The following URB1 variants were observed in gnomAD, a reference collection of about 807,000 sequenced individuals.
URB1 encodes URB1 ribosome biogenesis factor, also known as nucleolar pre-ribosomal-associated protein 1.
In URB1, 197 loss-of-function variants were observed where a neutral mutation model predicts 242.3. That is an observed-to-expected ratio of 0.81 (90% confidence interval 0.72 to 0.91). The LOEUF (loss-of-function observed/expected upper bound fraction) is 0.91. Ranked by LOEUF, URB1 falls within the 40% of genes least tolerant of loss-of-function variation. URB1 has a pLI of 0.00. For missense variants in URB1, 2,721 were observed against 2,860.5 expected, an observed-to-expected ratio of 0.95 and a Z score of 1.11; for synonymous variants, 1,153 against 1,201.8, an observed-to-expected ratio of 0.96 and a Z score of 0.84.
chr21:32,337,601 GA>G (rs1375687418), intron 26 of URB1, 87 bp from the exon 27 acceptor site: 4 of 1,042,592 alleles, frequency 3.8e-6, no homozygotes, highest in Non-Finnish European at 5.7e-6. Flanking sequence ...AGGCAACATT[GA>G]AATGCTGGAA....
chr21:32,375,625 G>A (rs1022053584), intron 5 of URB1, 142 bp from the exon 6 acceptor site: 13 of 529,136 alleles, frequency 2.5e-5, no homozygotes, highest in African/African-American at 1.8e-4. Flanking sequence ...ACAAGTTTCC[G>A]GTAGAAATAA....
intron 5 of URB1, 112 bp from the exon 6 acceptor site, chr21:32,375,595 A>AT: frequency 3.3e-6 from 2 of 607,242 alleles, no homozygotes; most frequent in Non-Finnish European, 5.3e-6. Flanking sequence ...TACTTTTTCA[A>AT]GTTTTTTTTT....
chr21:32,369,718 C>G (rs150270621), intron 8 of URB1, among the ~76,000 whole-genome samples: 101 of 152,198 alleles, frequency 6.6e-4, no homozygotes, highest in African/African-American at 2.3e-3. Flanking sequence ...CAAGACAGCA[C>G]GAGGTCTTTG....
intron 26 of URB1, among the ~76,000 whole-genome samples, chr21:32,338,469 A>G (rs1454092985): frequency 6.6e-6 from 1 of 152,216 alleles, no homozygotes; most frequent in East Asian, 1.9e-4. Flanking sequence ...GATCTCAAAC[A>G]CAACTTCTGT....
intron 15 of URB1, among the ~76,000 whole-genome samples, chr21:32,356,353 G>A (rs2033220373): frequency 6.6e-6 from 1 of 152,198 alleles, no homozygotes; most frequent in Admixed American, 6.5e-5. Flanking sequence ...GATTGTAGCA[G>A]TGCACAGCAG....
At chr21:32,355,795 G>A (rs2033213692) in intron 15 of URB1, among the ~76,000 whole-genome samples, 1 of 152,184 alleles carries the variant, frequency 6.6e-6, no homozygotes, top group South Asian at 2.1e-4. Context: ...TTTTTTAGCA[G>A]AGACAAAGTT....
chr21:32,355,136 G>A (rs556495913), intron 16 of URB1, 139 bp from the exon 17 acceptor site: 1,548 of 1,181,832 alleles, frequency 1.3e-3, no homozygotes, highest in Non-Finnish European at 1.7e-3. Context: ...TATGAAATTG[G>A]GCCTAAACTT....
Position 32,313,426 on chromosome 21 carries a change from T to C in URB1, c.*1492A>G, listed in dbSNP as rs1019922300. On this transcript the variant is annotated 3_prime_UTR_variant, in exon 39 of 39. Transcript: ENST00000382751. ...AGCGCTTGCCTGAGTCCAGCTTGGA[T>C]CTAAACGTGGGATTTCAAGTTCAGG... 3 of 152,152 alleles carry C rather than the reference T, an allele frequency of 2.0e-5. No homozygotes were observed. The highest frequency in any genetic ancestry group is 4.4e-5 in the Non-Finnish European group (3 of 68,040). The allele number at this position is 152,152 out of a possible 1,614,324, so 9.4% of individuals were successfully genotyped here.
intron 26 of URB1, among the ~76,000 whole-genome samples, chr21:32,337,941 C>T (rs1157306896): frequency 6.6e-6 from 1 of 152,186 alleles, no homozygotes; most frequent in Non-Finnish European, 1.5e-5. Flanking sequence ...TACAGATTTT[C>T]AATCCAGGCA....
At chr21:32,335,633 C>T (rs1343653385) in intron 28 of URB1, 1 of 152,470 alleles carries the variant, frequency 6.6e-6, no homozygotes, top group African/African-American at 2.4e-5. Context: ...AGGAAAGAAT[C>T]ATCCTTTCAG....
In URB1 at chr21:32,378,431, G is replaced by A. The variant is rs1472188395; in HGVS notation, c.664+14C>T. The A allele has an allele frequency of 1.9e-6, 3 of 1,548,034 alleles. No individual in the cohort carries two copies. In the East Asian group the frequency reaches 7.3e-5, roughly 38 times the overall value. ...ACAAATGGGCTTTCCTAACGGACAA[G>A]GGAGTACACCTACCTTTCACTTCCA... On this transcript the variant is annotated intron_variant, in intron 5 of 38. Transcript: ENST00000382751.
chr21:32,315,053 C>CA lies in URB1; in HGVS notation c.6680dup (p.Ala2229GlyfsTer16), dbSNP rs1278457263. On this transcript the variant is annotated frameshift_variant, in exon 39 of 39. Transcript: ENST00000382751. LOFTEE classifies it low-confidence loss of function (END_TRUNC). ...AGAGGGTGTCCGGCCGCTGAGCCCC[C>CA]AGCCAGATGTCCTTTATGTAGAGAG... The CA allele has an allele frequency of 6.5e-7, 1 of 1,549,534 alleles. No homozygotes were observed. Among genetic ancestry groups the CA allele is most frequent in the Non-Finnish European group, 8.7e-7 (1 of 1,145,660 alleles).
In URB1 at chr21:32,383,426, G is replaced by T; in HGVS notation, c.563C>A (p.Ser188Ter). ...GAGACACTGTGGTCCCCTCACCTTT[G>T]AATCCCTCTTGGTCACCAGGGTGTA... ...TLYTLVTKRD[S>*]KGVYDVRQAY... Residue 188 changes from serine to a stop codon, truncating the protein, a stop_gained, in exon 4 of 39, where the codon TCA (serine) becomes TAA (stop). Coordinates refer to ENST00000382751, the MANE Select transcript of URB1 (RefSeq NM_014825.3). LOFTEE classifies it high-confidence loss of function. 1 of 1,551,166 alleles carries T rather than the reference G, an allele frequency of 6.4e-7. No homozygotes were observed. The highest frequency in any genetic ancestry group is 1.2e-5 in the South Asian group (1 of 83,978).
At position 32,359,885 on chromosome 21, in the gene URB1, G is replaced by C; in HGVS notation, c.1780C>G (p.Arg594Gly). ...TGCAGAATGGGAGGCACCTCCTCTCGAAGGCCCTGCTCAGAGATGACACCT... is the reference window on the plus strand; with the variant it reads ...TGCAGAATGGGAGGCACCTCCTCTCCAAGGCCCTGCTCAGAGATGACACCT... ...LKGVISEQGL[R>G]EEVPPILQHH... Residue 594 changes from arginine to glycine, a missense_variant, in exon 14 of 39, where the codon CGA (arginine) becomes GGA (glycine). Coordinates refer to ENST00000382751, the MANE Select transcript of URB1 (RefSeq NM_014825.3). 1.3e-6 allele frequency: 2 copies of C among 1,548,304 alleles called. No homozygotes were observed. The highest frequency in any genetic ancestry group is 1.2e-5 in the South Asian group (1 of 83,402).
chr21:32,314,875 C>G lies in URB1; in HGVS notation c.*43G>C. The G allele has an allele frequency of 6.5e-7, 1 of 1,532,462 alleles. No homozygotes were observed. Among genetic ancestry groups the G allele is most frequent in the African/African-American group, 1.4e-5 (1 of 72,740 alleles). The allele number at this position is 1,532,462 out of a possible 1,614,324, so 94.9% of individuals were successfully genotyped here. On this transcript the variant is annotated 3_prime_UTR_variant, in exon 39 of 39. Transcript: ENST00000382751. ...AACTTCTAGAAGCTGGTGCTGTGCT[C>G]GAGGCTCTGGTCATCAGGGTGCAAG...
In URB1 at chr21:32,311,666, ACTCTG is replaced by A. The variant is rs1568802463; in HGVS notation, c.*3247_*3251del. 6.2e-7 allele frequency: 1 copy of A among 1,612,848 alleles called. No individual in the cohort carries two copies. Among genetic ancestry groups the A allele is most frequent in the Non-Finnish European group, 8.5e-7 (1 of 1,179,558 alleles). On this transcript the variant is annotated 3_prime_UTR_variant, in exon 39 of 39. Transcript: ENST00000382751. ...GCAGCAACTATGATGCCTGCCTCCCACTCTGCTCTGTTCACAGGAACAGCCCCAAG... is the reference window on the plus strand; with the variant it reads ...GCAGCAACTATGATGCCTGCCTCCCACTCTGTTCACAGGAACAGCCCCAAG...
chr21:32,373,886 G>GC, intron 6 of URB1, 114 bp from the exon 7 acceptor site: 1 of 1,095,686 alleles, frequency 9.1e-7, no homozygotes, highest in Non-Finnish European at 1.2e-6. Flanking sequence ...AATAATGCTT[G>GC]CTAGTGGCAG....
Position 32,372,556 on chromosome 21 carries a change from G to C in URB1, c.952C>G (p.Leu318Val). 6.4e-7 allele frequency: 1 copy of C among 1,551,678 alleles called. No individual in the cohort carries two copies. Among genetic ancestry groups the C allele is most frequent in the South Asian group, 1.2e-5 (1 of 84,062 alleles). ...TCGTAAAAATTAATTCCATGCTTGA[G>C]TGAACAGCAAAGATCCATCAGGAAG... Reference protein sequence around the residue: ...HNFLMDLCCSLKHGINFYDAS... With the variant: ...HNFLMDLCCSVKHGINFYDAS... Residue 318 changes from leucine (L) to valine (V), a missense_variant, in exon 8 of 39, where the codon CTC (leucine) becomes GTC (valine). By Grantham distance (32) the Leu-to-Val change is conservative (BLOSUM62 1). Coordinates refer to ENST00000382751, the MANE Select transcript of URB1 (RefSeq NM_014825.3).
Position 32,353,930 on chromosome 21 carries a change from TA to T in URB1, c.2416+2del. On this transcript the variant is annotated splice_donor_variant, in intron 18 of 38. Transcript: ENST00000382751. LOFTEE classifies it high-confidence loss of function. Reference sequence around the variant, plus strand: ...CCAAGACATCCTGACTATACATAGGTACCTGCTTCATTGCCTGTCCCAAGGA... The same window carrying T: ...CCAAGACATCCTGACTATACATAGGTCCTGCTTCATTGCCTGTCCCAAGGA... 1 of 1,551,618 alleles carries T rather than the reference TA, an allele frequency of 6.4e-7. No homozygotes were observed. The highest frequency in any genetic ancestry group is 8.7e-7 in the Non-Finnish European group (1 of 1,146,932).
Sources: gnomAD v4.1 joint callset for allele counts (sites outside exome capture counted in the v4.1 genomes callset) on GRCh38, gnomAD v4.1.1 for gene constraint, MANE v1.5 for transcripts, NCBI Gene and HGNC (gene_info 2026-07-23, HGNC 2026-07-21) for gene names.